Variants in FBXL14 observed in about 807,000 individuals in gnomAD.
FBXL14 encodes the protein F-box and leucine rich repeat protein 14.
Under a neutral mutation model 24.5 loss-of-function variants are expected in FBXL14, and 11 were observed. That is an observed-to-expected ratio of 0.45 (90% CI 0.28 to 0.74). The LOEUF (loss-of-function observed/expected upper bound fraction) is 0.74. Among genes scored for constraint, FBXL14 ranks in the 30% least tolerant of loss-of-function variants. The pLI is 0.12. For synonymous variants in FBXL14, 294 were observed against 240.4 expected (o/e 1.22, Z -2.06); for missense variants, 384 against 545.6 (o/e 0.70, Z 2.95).
intron 1 of FBXL14, among the ~76,000 whole-genome samples, chr12:1,583,123 T>A (rs558440334): frequency 6.5e-4 from 96 of 147,454 alleles, no homozygotes; most frequent in African/African-American, 2.3e-3. Flanking sequence ...TAATAAAAAT[T>A]AAAAAAAATT....
rs2094497164 is a variant in FBXL14, at chr12:1,594,309, C to T, written c.-243G>A. On this transcript the variant is annotated 5_prime_UTR_variant, in exon 1 of 2. Coordinates refer to ENST00000339235, the MANE Select transcript of FBXL14 (RefSeq NM_152441.3). ...CGGCCCGGCCCTCCCCCGCCCCGGGCTCCGCACGGCGCTCACATCCCGGGC... is the reference window on the plus strand; with the variant it reads ...CGGCCCGGCCCTCCCCCGCCCCGGGTTCCGCACGGCGCTCACATCCCGGGC... 6.3e-6 allele frequency: 1 copy of T among 157,650 alleles called. No homozygotes were observed. The highest frequency in any genetic ancestry group is 2.4e-5 in the African/African-American group (1 of 41,132). 9.8% of individuals were successfully genotyped at this position (157,650 alleles called of 1,614,324 possible).
chr12:1,573,137 TA>T (rs2094448361), intron 1 of FBXL14, among the ~76,000 whole-genome samples: 1 of 152,146 alleles, frequency 6.6e-6, no homozygotes, highest in Non-Finnish European at 1.5e-5. Flanking sequence ...CTGGGCTGAA[TA>T]TTTGAGGGTC....
chr12:1,567,864 A>G lies in FBXL14; in HGVS notation c.1195-1054T>C, dbSNP rs1287008525. On this transcript the variant is annotated intron_variant, in intron 1 of 1. Transcript: ENST00000339235. The surrounding 1 kb of genome is among the most constrained non-coding windows in gnomAD (Gnocchi z 4.8). Reference sequence around the variant, plus strand: ...AAACCTCCACATGTGAAAAGGGAAAAGAAAACCCACCCACACGCACACGCG... The same window carrying G: ...AAACCTCCACATGTGAAAAGGGAAAGGAAAACCCACCCACACGCACACGCG... Among the ~76,000 whole-genome samples the G allele has an allele frequency of 6.6e-6, 1 of 152,264 alleles. No individual in the cohort carries two copies. Among genetic ancestry groups the G allele is most frequent in the African/African-American group, 2.4e-5 (1 of 41,474 alleles).
chr12:1,583,066 T>C (rs1182110893), intron 1 of FBXL14, among the ~76,000 whole-genome samples: 1 of 152,130 alleles, frequency 6.6e-6, no homozygotes, highest in African/African-American at 2.4e-5. Flanking sequence ...TAGACTCTCT[T>C]ATATTTTATG....
In FBXL14 at chr12:1,593,459, C is replaced by T; in HGVS notation, c.608G>A (p.Gly203Asp). 6.2e-7 allele frequency: 1 copy of T among 1,613,998 alleles called. No homozygotes were observed. Among genetic ancestry groups the T allele is most frequent in the Non-Finnish European group, 8.5e-7 (1 of 1,180,030 alleles). ...MTRSAAEGCLGLEQLTLQDCQ... is the reference protein window; with the variant it reads ...MTRSAAEGCLDLEQLTLQDCQ... ...GTCCTGTAGCGTGAGCTGCTCCAGG[C>T]CCAGGCAGCCCTCCGCCGCGCTGCG... The change falls in exon 1 of 2, where the codon GGC (glycine) becomes GAC (aspartate). Residue 203 changes from glycine (G) to aspartate (D), a missense_variant. By Grantham distance (94) the Gly-to-Asp change is moderately conservative. Coordinates refer to ENST00000339235, the MANE Select transcript of FBXL14 (RefSeq NM_152441.3). This position sits in a 1 kb window ranked among gnomAD's most constrained non-coding sequence, Gnocchi z 7.4.
At chr12:1,582,669 T>G (rs1329307013) in intron 1 of FBXL14, among the ~76,000 whole-genome samples, 2 of 152,222 alleles carry the variant, frequency 1.3e-5, no homozygotes, top group Admixed American at 6.5e-5. Context: ...CTGAAACTTT[T>G]CCTTTTTTAT....
rs2094461493 is a variant in FBXL14, at chr12:1,579,150, A to T, written c.1195-12340T>A. Among the ~76,000 whole-genome samples, 2 of 152,064 alleles carry T rather than the reference A, an allele frequency of 1.3e-5. No homozygotes were observed. Among genetic ancestry groups the T allele is most frequent in the Non-Finnish European group, 2.9e-5 (2 of 68,008 alleles). ...GTATGAAAGCCGACATAAAATACGA[A>T]TATGATCTTTGCATTAAGTATTAAA... On this transcript the variant is annotated intron_variant, in intron 1 of 1. Transcript: ENST00000339235. This position sits in a 1 kb window ranked among gnomAD's most constrained non-coding sequence, Gnocchi z 4.3.
At chr12:1,587,238 C>T (rs982312831) in intron 1 of FBXL14, 1 of 100,676 alleles carries the variant, frequency 9.9e-6, no homozygotes, top group African/African-American at 4.2e-5. Context: ...ACTCCGTCTC[C>T]GTCTCAAAAA....
At position 1,575,219 on chromosome 12, in the gene FBXL14, C is replaced by T. The variant is rs2094453569; in HGVS notation, c.1195-8409G>A. Among the ~76,000 whole-genome samples, 4 of 152,158 alleles carry T rather than the reference C, an allele frequency of 2.6e-5. No individual in the cohort carries two copies. In the South Asian group the frequency reaches 8.3e-4, roughly 32 times the overall value. On this transcript the variant is annotated intron_variant, in intron 1 of 1. Coordinates refer to ENST00000339235, the MANE Select transcript of FBXL14 (RefSeq NM_152441.3). The stretch of plus-strand genomic sequence containing the variant: ...AAATAAAGATCCCCTACAGCTCCAT[C>T]CTCCTTTGCTCACTGGGTTTGCTGT...
Position 1,594,118 on chromosome 12 carries a change from G to A in FBXL14, c.-52C>T. On this transcript the variant is annotated 5_prime_UTR_variant, in exon 1 of 2. Transcript: ENST00000339235. ...GGGGGGAGGAGGCGCGGGCCCCGCC[G>A]CTCCGGCCTCGGGCAGGCGACGAGA... 7.6e-7 allele frequency: 1 copy of A among 1,311,460 alleles called. No homozygotes were observed. The highest frequency in any genetic ancestry group is 9.7e-7 in the Non-Finnish European group (1 of 1,032,836). The allele number at this position is 1,311,460 out of a possible 1,614,324, so 81.2% of individuals were successfully genotyped here.
rs2094446967 is a variant in FBXL14, at chr12:1,572,440, GA to G, written c.1195-5631del. 2.0e-5 allele frequency among the ~76,000 whole-genome samples: 3 copies of G among 152,344 alleles called. No homozygotes were observed. The South Asian group carries it at 6.2e-4, about 32-fold the overall frequency. On this transcript the variant is annotated intron_variant, in intron 1 of 1. Coordinates refer to ENST00000339235, the MANE Select transcript of FBXL14 (RefSeq NM_152441.3). ...AGATAATGTGCCCCTTTCAACACAA[GA>G]ACATTTTGATTTGGCTTTTTTTGTT... is the stretch of plus-strand genomic sequence containing the variant.
rs770182512 is a variant in FBXL14, at chr12:1,593,485, C to T, written c.582G>A (p.Thr194=). The change falls in exon 1 of 2, where the codon ACG becomes ACA. Residue 194 remains threonine, a synonymous_variant. Coordinates refer to ENST00000339235, the MANE Select transcript of FBXL14 (RefSeq NM_152441.3). This position sits in a 1 kb window ranked among gnomAD's most constrained non-coding sequence, Gnocchi z 7.4. The part of the protein sequence containing the change: ...DVGIGHLAGM[T]RSAAEGCLGL... The stretch of plus-strand genomic sequence containing the variant: ...CCAGGCAGCCCTCCGCCGCGCTGCG[C>T]GTCATGCCGGCCAGGTGCCCGATGC... 1.9e-6 allele frequency: 3 copies of T among 1,613,800 alleles called. No homozygotes were observed. The highest frequency in any genetic ancestry group is 1.7e-5 in the Admixed American group (1 of 60,010).
rs747389799 is a variant in FBXL14, at chr12:1,594,052, G to A, written c.15C>T (p.Ile5=). 5.1e-5 allele frequency: 77 copies of A among 1,512,742 alleles called. No homozygotes were observed. Among genetic ancestry groups the A allele is most frequent in the Non-Finnish European group, 4.2e-5 (48 of 1,139,354 alleles). The allele number at this position is 1,512,742 out of a possible 1,614,324, so 93.7% of individuals were successfully genotyped here. METH[I]SCLFPELLAM... ...CCAGCAGCTCCGGGAACAGGCATGA[G>A]ATGTGGGTCTCCATCTTCCTCCTCC... Residue 5 remains isoleucine, a synonymous_variant, in exon 1 of 2, where the codon ATC becomes ATT. Coordinates refer to ENST00000339235, the MANE Select transcript of FBXL14 (RefSeq NM_152441.3).
chr12:1,576,027 A>G (rs2094455267), intron 1 of FBXL14, among the ~76,000 whole-genome samples: 1 of 152,228 alleles, frequency 6.6e-6, no homozygotes, highest in Admixed American at 6.5e-5. Flanking sequence ...AGCACAGCCC[A>G]ACAGGTTTTT....
At chr12:1,575,995 G>A (rs529237242) in intron 1 of FBXL14, among the ~76,000 whole-genome samples, 3 of 152,342 alleles carry the variant, frequency 2.0e-5, no homozygotes, top group African/African-American at 7.2e-5. Flanking sequence ...AGATGCACAT[G>A]ACAAATTGTG....
chr12:1,594,080 C>A lies in FBXL14; in HGVS notation c.-14G>T, dbSNP rs111814721. The A allele has an allele frequency of 6.4e-5, 91 of 1,430,648 alleles. 2 individuals carry two copies. The highest frequency in any genetic ancestry group is 3.8e-4 in the Middle Eastern group (2 of 5,264). 88.6% of individuals were successfully genotyped at this position (1,430,648 alleles called of 1,614,324 possible). The stretch of plus-strand genomic sequence containing the variant: ...GTGGGTCTCCATCTTCCTCCTCCCC[C>A]CTCCGCGGCGCTGGGGGGAGGAGGC... On this transcript the variant is annotated 5_prime_UTR_variant, in exon 1 of 2. Transcript: ENST00000339235.
At position 1,579,790 on chromosome 12, in the gene FBXL14, T is replaced by C. The variant is rs1166729098; in HGVS notation, c.1195-12980A>G. On this transcript the variant is annotated intron_variant, in intron 1 of 1. Transcript: ENST00000339235. This position sits in a 1 kb window ranked among gnomAD's most constrained non-coding sequence, Gnocchi z 4.3. ...CCAGAGTGAGTTTAGGAATTTGTAG[T>C]CATTTCCTTTTTACTGGGTATTTGC... 1.3e-5 allele frequency among the ~76,000 whole-genome samples: 2 copies of C among 152,300 alleles called. No individual in the cohort carries two copies. Among genetic ancestry groups the C allele is most frequent in the South Asian group, 2.1e-4 (1 of 4,818 alleles).
At chr12:1,584,078 T>G (rs2154438138) in intron 1 of FBXL14, among the ~76,000 whole-genome samples, 1 of 152,230 alleles carries the variant, frequency 6.6e-6, no homozygotes, top group Non-Finnish European at 1.5e-5. Flanking sequence ...AAAGCAGTTG[T>G]AGGCTCCTGC....
At chr12:1,571,003 C>T (rs1224627802) in intron 1 of FBXL14, among the ~76,000 whole-genome samples, 1 of 152,184 alleles carries the variant, frequency 6.6e-6, no homozygotes, top group Non-Finnish European at 1.5e-5. Flanking sequence ...CCATTATTGT[C>T]CATAGTCCTT....
Sources: gnomAD v4.1 joint callset for allele counts (sites outside exome capture counted in the v4.1 genomes callset) on GRCh38, gnomAD v4.1.1 for gene constraint, Gnocchi (gnomAD v3.1) non-coding constraint, MANE v1.5 for transcripts, NCBI Gene and HGNC (gene_info 2026-07-23, HGNC 2026-07-21) for gene names.